The following HAP1 variants were observed in gnomAD, a reference collection of about 807,000 sequenced individuals.
The protein encoded by HAP1 is huntingtin-associated protein 1.
In HAP1, 59 loss-of-function variants were observed where a neutral mutation model predicts 60.3. The ratio of observed to expected loss-of-function variants is 0.98; its 90% CI spans 0.79 to 1.22. The LOEUF is 1.22. Among genes scored for constraint, HAP1 ranks in the 50% most tolerant of loss-of-function variants. The pLI is 0.00. For synonymous variants in HAP1, 346 were observed against 330.6 expected, an observed-to-expected ratio of 1.05 and a Z score of -0.50; for missense variants, 825 against 785.3, an observed-to-expected ratio of 1.05 and a Z score of -0.60.
chr17:41,727,808 T>A lies in HAP1; in HGVS notation c.1229A>T (p.Lys410Met). 1 of 1,611,578 alleles carries A rather than the reference T, an allele frequency of 6.2e-7. No homozygotes were observed. Among genetic ancestry groups the A allele is most frequent in the Non-Finnish European group, 8.5e-7 (1 of 1,178,202 alleles). The change falls in exon 8 of 11, where the codon AAG becomes ATG. Residue 410 changes from lysine to methionine, a missense_variant. Lys to Met is a moderately conservative substitution (Grantham distance 95). Transcript: ENST00000347901. ...GATTTCCTTCTCCGAAGCCAGCTGCTTCTGCAACTTTTCAGTCTCAGCCCC... is the reference window on the plus strand; with the variant it reads ...GATTTCCTTCTCCGAAGCCAGCTGCATCTGCAACTTTTCAGTCTCAGCCCC... ...MYGAETEKLQ[K>M]QLASEKEIQM...
intron 7 of HAP1, 103 bp downstream of exon 7, chr17:41,728,098 C>A: frequency 2.2e-6 from 3 of 1,370,514 alleles, no homozygotes; most frequent in Non-Finnish European, 2.1e-6. Flanking sequence ...GACTCTGACA[C>A]AGAAAGGGAC....
In HAP1 at chr17:41,728,833, A is replaced by C. The variant is rs77020538; in HGVS notation, c.1070-502T>G. Among the ~76,000 whole-genome samples, 1,388 of 152,304 alleles carry C rather than the reference A, an allele frequency of 9.1e-3. 19 individuals are homozygous for C. Among genetic ancestry groups the C allele is most frequent in the Non-Finnish European group, 0.012 (844 of 68,038 alleles). ...GGACGGGGAGGGCCCAGAACAGTGC[A>C]CACAGGCCAGACCACAGTAGTGGGC... is the stretch of plus-strand genomic sequence containing the variant. On this transcript the variant is annotated intron_variant, in intron 6 of 10. Transcript: ENST00000347901.
In HAP1 at chr17:41,734,474, G is replaced by C. The variant is rs143963784; in HGVS notation, c.161C>G (p.Ala54Gly). Residue 54 changes from alanine (A) to glycine (G), a missense_variant, in exon 1 of 11, where the codon GCC becomes GGC. Transcript: ENST00000347901. ...CGAGAGGAACTGGGATCCAGAGGTG[G>C]CTCGGGATCCTACTCTCTGTCCAGT... Reference protein sequence around the residue: ...RGTGQRVGSRATSGSQFLSEA... With the variant: ...RGTGQRVGSRGTSGSQFLSEA... The C allele has an allele frequency of 3.4e-5, 54 of 1,611,684 alleles. No homozygotes were observed. The African/African-American group carries it at 6.4e-4, about 19-fold the overall frequency.
At chr17:41,732,857 T>A in intron 1 of HAP1, 59 bp from the exon 2 acceptor site, 2 of 948,872 alleles carry the variant, frequency 2.1e-6, no homozygotes, top group Non-Finnish European at 3.5e-6. Flanking sequence ...AAGGAGCAGA[T>A]GCTACCAGCA....
chr17:41,731,384 T>C, intron 6 of HAP1, 109 bp downstream of exon 6: 1 of 797,860 alleles, frequency 1.3e-6, no homozygotes, highest in Non-Finnish European at 2.3e-6. Flanking sequence ...TTCACACAGC[T>C]AGGAGTGCCA....
In HAP1 at chr17:41,734,170, CT is replaced by C; in HGVS notation, c.464del (p.Glu155GlyfsTer22). ...GACCCCGGGGGCCCGATTTACCTTCCTCCAGCTCCCGAATAAAGGCGGCGCG... is the reference window on the plus strand; with the variant it reads ...GACCCCGGGGGCCCGATTTACCTTCCCCAGCTCCCGAATAAAGGCGGCGCG... ...PERAAFIREL[E>X]EALCPNLPPP... On this transcript the variant is annotated frameshift_variant, in exon 1 of 11. Coordinates refer to ENST00000347901, the MANE Select transcript of HAP1 (RefSeq NM_177977.3). LOFTEE classifies it high-confidence loss of function. The C allele has an allele frequency of 3.8e-6, 6 of 1,579,876 alleles. No individual in the cohort carries two copies. Among genetic ancestry groups the C allele is most frequent in the Non-Finnish European group, 5.2e-6 (6 of 1,157,298 alleles).
downstream of HAP1, chr17:41,721,723 T>A (rs1320934634): frequency 1.3e-5 from 2 of 149,776 alleles, no homozygotes; most frequent in Non-Finnish European, 1.5e-5. Context: ...GCTGCCACCA[T>A]GCCCAGCTAA....
intron 9 of HAP1, 79 bp from the exon 10 acceptor site, chr17:41,725,976 A>G (rs1911597337): frequency 9.1e-7 from 1 of 1,093,428 alleles, no homozygotes; most frequent in African/African-American, 1.5e-5. Flanking sequence ...AAGCTGAAGA[A>G]CCTTAGGTAG....
At chr17:41,732,509 C>T (rs1912300434) in intron 2 of HAP1, 115 bp from the exon 3 acceptor site, 4 of 1,149,116 alleles carry the variant, frequency 3.5e-6, no homozygotes, top group African/African-American at 3.1e-5. Flanking sequence ...TGGAACCTGG[C>T]TCAGTTTCCC....
intron 8 of HAP1, chr17:41,727,534 T>A: frequency 4.1e-6 from 3 of 728,658 alleles, no homozygotes; most frequent in Non-Finnish European, 7.7e-6. Flanking sequence ...GGTTCTGGAC[T>A]CCAAGTGTCA....
chr17:41,734,312 A>T lies in HAP1; in HGVS notation c.323T>A (p.Val108Glu). 1.9e-6 allele frequency: 3 copies of T among 1,609,192 alleles called. No individual in the cohort carries two copies. The highest frequency in any genetic ancestry group is 2.5e-6 in the Non-Finnish European group (3 of 1,177,622). Residue 108 changes from valine to glutamate, a missense_variant, in exon 1 of 11, where the codon GTA becomes GAA. By Grantham distance (121) the Val-to-Glu change is moderately radical. Transcript: ENST00000347901. ...DNSDAPWTRFVFQGPFGSRAT... is the reference protein window; with the variant it reads ...DNSDAPWTRFEFQGPFGSRAT... Reference sequence around the variant, plus strand: ...CCGGGAACCAAACGGCCCTTGGAATACGAAGCGGGTCCACGGCGCGTCCGA... The same window carrying T: ...CCGGGAACCAAACGGCCCTTGGAATTCGAAGCGGGTCCACGGCGCGTCCGA...
downstream of HAP1, among the ~76,000 whole-genome samples, chr17:41,720,187 C>CTTTA (rs377480642): frequency 1.7e-4 from 26 of 150,516 alleles, no homozygotes; most frequent in East Asian, 7.9e-4. Flanking sequence ...CCGCGCCCAG[C>CTTTA]TTTATTTATT....
rs782475370 is a variant in HAP1 at position 41,723,882 on chromosome 17, C to T, written c.*819G>A. ...AGTAGAGAGGACGGGCTCAGATCTA[C>T]CCCGGCTGTGTGGCCCCAAACAAGT... On this transcript the variant is annotated 3_prime_UTR_variant, in exon 11 of 11. Transcript: ENST00000347901. The T allele has an allele frequency of 6.6e-6, 1 of 151,452 alleles. No individual in the cohort carries two copies. The highest frequency in any genetic ancestry group is 1.9e-4 in the East Asian group (1 of 5,188). The allele number at this position is 151,452 out of a possible 1,614,324, so 9.4% of individuals were successfully genotyped here.
intron 7 of HAP1, among the ~76,000 whole-genome samples, 153 bp downstream of exon 7, chr17:41,728,048 G>A (rs1555589449): frequency 6.6e-6 from 1 of 152,150 alleles, no homozygotes; most frequent in Non-Finnish European, 1.5e-5. Flanking sequence ...GTCTCCTCAA[G>A]ATAACAAGGG....
intron 10 of HAP1, among the ~76,000 whole-genome samples, 193 bp downstream of exon 10, chr17:41,725,666 A>C (rs1036082334): frequency 7.9e-5 from 12 of 152,120 alleles, no homozygotes; most frequent in African/African-American, 2.9e-4. Context: ...AGCTGCCTGG[A>C]ATCAGACGGC....
intron 6 of HAP1, 93 bp from the exon 7 acceptor site, chr17:41,728,424 G>T: frequency 8.3e-7 from 1 of 1,203,700 alleles, no homozygotes; most frequent in Non-Finnish European, 1.2e-6. Context: ...CCCCACCCTC[G>T]GCTGCTGCGC....
At position 41,734,289 on chromosome 17, in the gene HAP1, G is replaced by A. The variant is rs189020240; in HGVS notation, c.346C>T (p.Arg116Trp). ...TTTCCAGTCCCCCGGCCAGTGGCCC[G>A]GGAACCAAACGGCCCTTGGAATACG... ...RFVFQGPFGS[R>W]ATGRGTGKAA... The change falls in exon 1 of 11, where the codon CGG becomes TGG. Residue 116 changes from arginine to tryptophan, a missense_variant. Transcript: ENST00000347901. 4.5e-3 allele frequency: 7,221 copies of A among 1,608,852 alleles called. 19 individuals carry two copies. Among genetic ancestry groups the A allele is most frequent in the Non-Finnish European group, 5.6e-3 (6,552 of 1,177,726 alleles).
At chr17:41,718,984 A>G (rs965662871), downstream of HAP1, among the ~76,000 whole-genome samples, 1 of 151,880 alleles carries the variant, frequency 6.6e-6, no homozygotes, top group Non-Finnish European at 1.5e-5. Flanking sequence ...ATTTGAATGT[A>G]TTTTATTTTT....
intron 9 of HAP1, 113 bp from the exon 10 acceptor site, chr17:41,726,010 C>T: frequency 1.3e-6 from 1 of 799,604 alleles, no homozygotes; most frequent in Non-Finnish European, 2.2e-6. Flanking sequence ...TGGCTCACGC[C>T]TGTAATCCCA....
Sources: allele counts gnomAD v4.1 joint callset (sites outside exome capture counted in the v4.1 genomes callset), GRCh38; gene constraint gnomAD v4.1.1; transcripts MANE v1.5; gene names NCBI Gene and HGNC (gene_info 2026-07-23, HGNC 2026-07-21).